The following NAA25 variants were observed in gnomAD, a reference collection of about 807,000 sequenced individuals.
The protein encoded by NAA25 is N-alpha-acetyltransferase 25, NatB auxiliary subunit, also known as N-terminal acetyltransferase B complex subunit NAA25.
Under a neutral mutation model 132.5 loss-of-function variants are expected in NAA25, and 30 were observed. The ratio of observed to expected loss-of-function variants is 0.23; its 90% CI spans 0.17 to 0.31. The LOEUF is 0.31. Ranked by LOEUF, NAA25 falls within the 10% of genes least tolerant of loss-of-function variation. The pLI is 1.00. For missense variants in NAA25, 771 were observed against 1,150.4 expected (o/e 0.67, Z 4.77); for synonymous variants, 359 against 401.9 (o/e 0.89, Z 1.28).
chr12:112,070,291 T>C (rs1192582981), intron 10 of NAA25, among the ~76,000 whole-genome samples: 1 of 152,222 alleles, frequency 6.6e-6, no homozygotes, highest in Non-Finnish European at 1.5e-5. Context: ...AGAATCATTT[T>C]ATAAAAAGAT....
intron 9 of NAA25, among the ~76,000 whole-genome samples, chr12:112,072,383 G>A (rs1205111373): frequency 2.6e-5 from 4 of 151,938 alleles, no homozygotes; most frequent in South Asian, 2.1e-4. Context: ...TGAGGTGGGC[G>A]GATCACTTGA....
intron 9 of NAA25, among the ~76,000 whole-genome samples, chr12:112,073,352 T>G (rs2078843559): frequency 6.6e-6 from 1 of 152,168 alleles, no homozygotes; most frequent in South Asian, 2.1e-4. Flanking sequence ...AAAAATTAGG[T>G]AACCTAGTTA....
intron 2 of NAA25, among the ~76,000 whole-genome samples, chr12:112,091,556 G>A (rs945855690): frequency 6.6e-6 from 1 of 152,152 alleles, no homozygotes; most frequent in Non-Finnish European, 1.5e-5. Context: ...AGCCAGGTGT[G>A]GTGGTGCACA....
intron 17 of NAA25, 59 bp downstream of exon 17, chr12:112,047,606 T>A (rs1233445732): frequency 6.3e-7 from 1 of 1,589,694 alleles, no homozygotes. Context: ...TTGGTCTCTT[T>A]AAAAAAACAA....
At chr12:112,104,056 A>G (rs925252981) in intron 1 of NAA25, among the ~76,000 whole-genome samples, 4 of 152,176 alleles carry the variant, frequency 2.6e-5, no homozygotes, top group Non-Finnish European at 5.9e-5. Context: ...ACTATGAACT[A>G]TAGTGGAATA....
At chr12:112,047,917 T>C in intron 16 of NAA25, 127 bp from the exon 17 acceptor site, 24 of 1,022,182 alleles carry the variant, frequency 2.3e-5, no homozygotes, top group Non-Finnish European at 3.1e-5. Flanking sequence ...TAAGGTGAAA[T>C]AGAACCAAGC....
intron 11 of NAA25, among the ~76,000 whole-genome samples, chr12:112,064,853 G>A (rs2078691597): frequency 6.6e-6 from 1 of 151,596 alleles, no homozygotes; most frequent in African/African-American, 2.4e-5. Flanking sequence ...TCACGAACAT[G>A]GAGAAACCCG....
intron 2 of NAA25, 121 bp downstream of exon 2, chr12:112,092,930 C>T: frequency 1.7e-6 from 1 of 572,742 alleles, no homozygotes; most frequent in Non-Finnish European, 3.0e-6. Flanking sequence ...CTTGCCTCGG[C>T]CTCCCAAAGT....
Position 112,040,513 on chromosome 12 carries a change from T to G in NAA25, c.2506A>C (p.Thr836Pro). ...AAGAAAACTAGATTTTCTAAAAGAG[T>G]AGGATGTGTTTTCAAGTTACCATCT... ...VKDGNLKTHP[T>P]LLENLVFFVE... The change falls in exon 21 of 24, where the codon ACT becomes CCT. Residue 836 changes from threonine (T) to proline (P), a missense_variant. By Grantham distance (38) the Thr-to-Pro change is conservative. This residue lies in a region of NAA25 where 324 missense variants were observed against 400.0 expected (regional missense o/e 0.81). Coordinates refer to ENST00000261745, the MANE Select transcript of NAA25 (RefSeq NM_024953.4). The G allele has an allele frequency of 6.2e-7, 1 of 1,602,888 alleles. No individual in the cohort carries two copies.
At chr12:112,082,913 A>C (rs1462782905) in intron 4 of NAA25, among the ~76,000 whole-genome samples, 3 of 152,182 alleles carry the variant, frequency 2.0e-5, no homozygotes, top group Non-Finnish European at 4.4e-5. Context: ...TCAAGAAAGT[A>C]AAGGGATGTA....
chr12:112,028,227 C>T lies in NAA25; in HGVS notation c.*1304G>A, dbSNP rs2078106978. Reference sequence around the variant, plus strand: ...TCCATTGGATGCTTAATTTCCTCATCAAATTCATTTCTTTGCTCTTACAGA... The same window carrying T: ...TCCATTGGATGCTTAATTTCCTCATTAAATTCATTTCTTTGCTCTTACAGA... On this transcript the variant is annotated 3_prime_UTR_variant, in exon 24 of 24. Coordinates refer to ENST00000261745, the MANE Select transcript of NAA25 (RefSeq NM_024953.4). 6.6e-6 allele frequency: 1 copy of T among 152,296 alleles called. No homozygotes were observed. The highest frequency in any genetic ancestry group is 1.5e-5 in the Non-Finnish European group (1 of 68,038). The allele number at this position is 152,296 out of a possible 1,614,324, so 9.4% of individuals were successfully genotyped here.
chr12:112,085,584 C>T (rs1460645003), intron 4 of NAA25, among the ~76,000 whole-genome samples: 1 of 151,856 alleles, frequency 6.6e-6, no homozygotes, highest in East Asian at 1.9e-4. Context: ...TTTTATGTAC[C>T]ATAGGGATGA....
intron 13 of NAA25, among the ~76,000 whole-genome samples, chr12:112,055,604 CTGAGGT>C (rs967838371): frequency 1.3e-5 from 2 of 151,692 alleles, no homozygotes; most frequent in African/African-American, 4.8e-5. Flanking sequence ...CTCAGGAGGG[CTGAGGT>C]TGGGAGGATT....
chr12:112,080,866 G>C (rs757330999), intron 5 of NAA25, among the ~76,000 whole-genome samples, 194 bp downstream of exon 5: 2 of 152,120 alleles, frequency 1.3e-5, no homozygotes, highest in Non-Finnish European at 2.9e-5. Flanking sequence ...TACTTGGGAG[G>C]TTGAGGTAGA....
chr12:112,070,602 C>T (rs1566017775), intron 10 of NAA25, among the ~76,000 whole-genome samples: 1 of 152,024 alleles, frequency 6.6e-6, no homozygotes, highest in South Asian at 2.1e-4. Flanking sequence ...GACAGAGTCT[C>T]GCTGTGTCAC....
rs569818603 is a variant in NAA25 at position 112,031,744 on chromosome 12, G to T, written c.2796+1489C>A. On this transcript the variant is annotated intron_variant, in intron 23 of 23. Coordinates refer to ENST00000261745, the MANE Select transcript of NAA25 (RefSeq NM_024953.4). Reference sequence around the variant, plus strand: ...CCCGTATACCATAAGCTCTGGCCCTGCCAACTGTGTCACACTGCGCCACAG... The same window carrying T: ...CCCGTATACCATAAGCTCTGGCCCTTCCAACTGTGTCACACTGCGCCACAG... Among the ~76,000 whole-genome samples the T allele has an allele frequency of 2.0e-5, 3 of 151,712 alleles. No homozygotes were observed. In the South Asian group the frequency reaches 6.3e-4, roughly 32 times the overall value.
intron 1 of NAA25, among the ~76,000 whole-genome samples, chr12:112,098,780 T>C (rs907043712): frequency 1.2e-4 from 19 of 152,318 alleles, no homozygotes; most frequent in Admixed American, 7.2e-4. Context: ...TTTCTTTTTT[T>C]TGAGACTCGC....
chr12:112,102,774 C>A (rs1406317570), intron 1 of NAA25, among the ~76,000 whole-genome samples: 1 of 151,570 alleles, frequency 6.6e-6, no homozygotes, highest in Admixed American at 6.6e-5. Flanking sequence ...GCAACCTCCG[C>A]CTCCTGGGTT....
intron 11 of NAA25, among the ~76,000 whole-genome samples, chr12:112,062,434 T>C (rs1313949991): frequency 7.3e-6 from 1 of 137,292 alleles, no homozygotes. Context: ...AAAGAAAAAA[T>C]AGGCCGGGTG....
Sources: gnomAD v4.1 joint callset for allele counts (sites outside exome capture counted in the v4.1 genomes callset) on GRCh38, gnomAD v4.1.1 for gene constraint, gnomAD v4.1.1 regional missense constraint, MANE v1.5 for transcripts, NCBI Gene and HGNC (gene_info 2026-07-23, HGNC 2026-07-21) for gene names.